The following CAPN1 variants were observed in gnomAD, a reference collection of about 807,000 sequenced individuals.
CAPN1 encodes calpain 1.
Under a neutral mutation model 105.2 loss-of-function variants are expected in CAPN1, and 77 were observed. That is an observed-to-expected ratio of 0.73 (90% CI 0.61 to 0.88). The LOEUF is 0.88. Ranked by LOEUF, CAPN1 falls within the 40% of genes least tolerant of loss-of-function variation. CAPN1 has a pLI of 0.00. For missense variants in CAPN1, 833 were observed against 976.6 expected (o/e 0.85, Z 1.96); for synonymous variants, 355 against 388.8 (o/e 0.91, Z 1.02).
chr11:65,202,202 T>C (rs1408473027), intron 10 of CAPN1, among the ~76,000 whole-genome samples: 1 of 152,170 alleles, frequency 6.6e-6, no homozygotes, highest in Admixed American at 6.5e-5. Flanking sequence ...TGTTGGATTC[T>C]CTACCTCAGG....
Position 65,208,546 on chromosome 11 carries a change from G to A in CAPN1, c.1729+284G>A, listed in dbSNP as rs560926318. The A allele has an allele frequency of 5.2e-5, 27 of 517,348 alleles. No individual in the cohort carries two copies. The highest frequency in any genetic ancestry group is 6.4e-5 in the Admixed American group (2 of 31,084). 32.0% of individuals were successfully genotyped at this position (517,348 alleles called of 1,614,324 possible). A position where few individuals can be genotyped will look rare whatever the true frequency, so the allele number is the denominator to read the frequency against. On this transcript the variant is annotated intron_variant, in intron 16 of 21. Coordinates refer to ENST00000279247, the MANE Select transcript of CAPN1 (RefSeq NM_005186.4). This position sits in a 1 kb window ranked among gnomAD's most constrained non-coding sequence, Gnocchi z 4.1. ...TGTAGTCCCAACACTCTGGGAGGCC[G>A]AGGCAGGAGTCGCTTCAGCCCAGGA...
chr11:65,209,118 G>A lies in CAPN1; in HGVS notation c.1730-205G>A. 1.7e-6 allele frequency: 1 copy of A among 596,776 alleles called. No individual in the cohort carries two copies. Among genetic ancestry groups the A allele is most frequent in the Non-Finnish European group, 3.0e-6 (1 of 331,906 alleles). 37.0% of individuals were successfully genotyped at this position (596,776 alleles called of 1,614,324 possible). ...TTTCTTTTTACTTTGGACTAATTGT[G>A]GCTGTTGGGACTTTGGCTTGATTGC... On this transcript the variant is annotated intron_variant, in intron 16 of 21. Coordinates refer to ENST00000279247, the MANE Select transcript of CAPN1 (RefSeq NM_005186.4). This position sits in a 1 kb window ranked among gnomAD's most constrained non-coding sequence, Gnocchi z 4.1.
At chr11:65,198,561 T>G (rs924504251) in intron 10 of CAPN1, among the ~76,000 whole-genome samples, 1 of 151,654 alleles carries the variant, frequency 6.6e-6, no homozygotes, top group Admixed American at 6.6e-5. Flanking sequence ...AATTCTAAAG[T>G]TTTTTTTTCC....
Position 65,192,023 on chromosome 11 carries a change from C to T in CAPN1, c.1165+3277C>T, listed in dbSNP as rs114459756. 4.8e-3 allele frequency among the ~76,000 whole-genome samples: 724 copies of T among 151,894 alleles called. 6 individuals carry two copies. The highest frequency in any genetic ancestry group is 0.017 in the African/African-American group (697 of 41,414). On this transcript the variant is annotated intron_variant, in intron 10 of 21. Transcript: ENST00000279247. ...TTTCTTTTATTTATTAAAATGGTCC[C>T]AGGAATTTGTGAACAGCTTGGGCAA...
Position 65,182,894 on chromosome 11 carries a change from C to T in CAPN1, c.193C>T (p.Pro65Ser). The T allele has an allele frequency of 6.2e-7, 1 of 1,607,758 alleles. No homozygotes were observed. Among genetic ancestry groups the T allele is most frequent in the Non-Finnish European group, 8.5e-7 (1 of 1,177,270 alleles). ...CCGTGATGAGGCCTTCCCCCCGGTA[C>T]CCCAGAGCCTGGGTTACAAGGACCT... is the stretch of plus-strand genomic sequence containing the variant. ...LFRDEAFPPVPQSLGYKDLGP... is the reference protein window; with the variant it reads ...LFRDEAFPPVSQSLGYKDLGP... Residue 65 changes from proline to serine, a missense_variant, in exon 2 of 22, where the codon CCC (proline) becomes TCC (serine). By Grantham distance (74) the Pro-to-Ser change is moderately conservative (BLOSUM62 -1). Coordinates refer to ENST00000279247, the MANE Select transcript of CAPN1 (RefSeq NM_005186.4).
In CAPN1 at chr11:65,182,010, C is replaced by A; in HGVS notation, c.-5C>A. 6.3e-6 allele frequency: 1 copy of A among 158,028 alleles called. No homozygotes were observed. The highest frequency in any genetic ancestry group is 1.4e-5 in the Non-Finnish European group (1 of 71,682). The allele number at this position is 158,028 out of a possible 1,614,324, so 9.8% of individuals were successfully genotyped here. A position where few individuals can be genotyped will look rare whatever the true frequency, so the allele number is the denominator to read the frequency against. ...GCAGCGACCCCCAAACACCCCTCCC[C>A]CAGGTAAGAAGCTGGGTAGCCGAGC... On this transcript the variant is annotated 5_prime_UTR_variant, in exon 1 of 22. Coordinates refer to ENST00000279247, the MANE Select transcript of CAPN1 (RefSeq NM_005186.4).
chr11:65,185,168 C>T (rs1466173838), intron 4 of CAPN1, among the ~76,000 whole-genome samples: 4 of 151,886 alleles, frequency 2.6e-5, no homozygotes, highest in Admixed American at 2.0e-4. Context: ...AGCGTGGGGT[C>T]GGGAACCACA....
intron 14 of CAPN1, 76 bp downstream of exon 14, chr11:65,206,895 C>T: frequency 2.2e-6 from 3 of 1,390,672 alleles, no homozygotes; most frequent in Non-Finnish European, 3.0e-6. Context: ...ACCCAGGTGT[C>T]CTGTCCCCTG....
At position 65,183,474 on chromosome 11, in the gene CAPN1, G is replaced by C; in HGVS notation, c.338G>C (p.Gly113Ala). ...CTAATGTGCATCCCTCCTGCCCCAG[G>C]GGACTGCTGGCTCTTGGCGGCCATC... Reference protein sequence around the residue: ...TRTDICQGALGDCWLLAAIAS... With the variant: ...TRTDICQGALADCWLLAAIAS... Residue 113 changes from glycine to alanine, a missense_variant and splice_region_variant, in exon 4 of 22, where the codon GGG becomes GCG. Gly to Ala is a moderately conservative substitution (Grantham distance 60, BLOSUM62 0). Transcript: ENST00000279247. 6.2e-7 allele frequency: 1 copy of C among 1,610,784 alleles called. No homozygotes were observed. Among genetic ancestry groups the C allele is most frequent in the Non-Finnish European group, 8.5e-7 (1 of 1,177,068 alleles).
chr11:65,194,651 C>T (rs1015986027), intron 10 of CAPN1, among the ~76,000 whole-genome samples: 6 of 152,122 alleles, frequency 3.9e-5, no homozygotes, highest in African/African-American at 1.4e-4. Flanking sequence ...CTATTCTGGA[C>T]TTTTTTGCCT....
At chr11:65,205,563 G>GACCAGATC (rs774360436) in intron 11 of CAPN1, 147 bp from the exon 12 acceptor site, 2 of 748,406 alleles carry the variant, frequency 2.7e-6, no homozygotes, top group Non-Finnish European at 4.7e-6. Context: ...GTGGTGCAGG[G>GACCAGATC]ACCAGATCTG....
chr11:65,187,969 C>G lies in CAPN1; in HGVS notation c.858C>G (p.Gly286=). The change falls in exon 8 of 22, where the codon GGC becomes GGG. Residue 286 remains glycine (G), a synonymous_variant. Transcript: ENST00000279247. ...CTGGCAAATAGGTGAACTACCGAGG[C>G]CAGGTGGTGAGCCTGATCCGGATGC... ...VTGAKQVNYR[G]QVVSLIRMRN... 6.4e-7 allele frequency: 1 copy of G among 1,560,414 alleles called. No individual in the cohort carries two copies.
chr11:65,211,130 G>C, intron 21 of CAPN1, 130 bp from the exon 22 acceptor site: 1 of 1,047,342 alleles, frequency 9.5e-7, no homozygotes. Context: ...AGGTAAGAAA[G>C]TAACCCCTCC....
chr11:65,197,888 GAAA>G (rs71049687), intron 10 of CAPN1, among the ~76,000 whole-genome samples: 1 of 83,476 alleles, frequency 1.2e-5, no homozygotes, highest in Non-Finnish European at 2.1e-5. Flanking sequence ...AACTCTATCT[GAAA>G]AAAAAAAAAA....
At chr11:65,198,700 A>T (rs1372976400) in intron 10 of CAPN1, among the ~76,000 whole-genome samples, 1 of 152,092 alleles carries the variant, frequency 6.6e-6, no homozygotes, top group Admixed American at 6.5e-5. Flanking sequence ...CCCGAAACAT[A>T]TCCTTTTGTA....
At position 65,210,434 on chromosome 11, in the gene CAPN1, C is replaced by CGGCT; in HGVS notation, c.2042_2045dup (p.Glu683AlafsTer22). On this transcript the variant is annotated frameshift_variant, in exon 20 of 22. Coordinates refer to ENST00000279247, the MANE Select transcript of CAPN1 (RefSeq NM_005186.4). LOFTEE classifies it high-confidence loss of function. The surrounding 1 kb of genome is among the most constrained non-coding windows in gnomAD (Gnocchi z 4.3). ...TGACAATTTCGTTTGCTGCCTGGTG[C>CGGCT]GGCTAGAGACCATGTTCCGTGAGTG... 6.2e-7 allele frequency: 1 copy of CGGCT among 1,609,354 alleles called. No homozygotes were observed. The highest frequency in any genetic ancestry group is 8.5e-7 in the Non-Finnish European group (1 of 1,176,764).
chr11:65,204,965 C>T, intron 11 of CAPN1, 107 bp downstream of exon 11: 1 of 914,158 alleles, frequency 1.1e-6, no homozygotes, highest in Admixed American at 2.6e-5. Context: ...GGGACCATGC[C>T]CTTCCCCACA....
chr11:65,199,405 G>A (rs1948836505), intron 10 of CAPN1, among the ~76,000 whole-genome samples: 1 of 151,888 alleles, frequency 6.6e-6, no homozygotes, highest in Admixed American at 6.6e-5. Context: ...ACCATGATGT[G>A]TGGAGGTATG....
chr11:65,204,946 G>A lies in CAPN1; in HGVS notation c.1341+88G>A, dbSNP rs1321477542. On this transcript the variant is annotated intron_variant, in intron 11 of 21. Coordinates refer to ENST00000279247, the MANE Select transcript of CAPN1 (RefSeq NM_005186.4). ...CGCAGTGCAGGCGGGCTTCCACCAG[G>A]GGGCGCCAGGGACCATGCCCTTCCC... 4.6e-6 allele frequency: 5 copies of A among 1,094,716 alleles called. No homozygotes were observed. The South Asian group carries it at 7.3e-5, about 16-fold the overall frequency. 67.8% of individuals were successfully genotyped at this position (1,094,716 alleles called of 1,614,324 possible).
Sources: gnomAD v4.1 joint callset for allele counts (sites outside exome capture counted in the v4.1 genomes callset) on GRCh38, gnomAD v4.1.1 for gene constraint, Gnocchi (gnomAD v3.1) non-coding constraint, MANE v1.5 for transcripts, NCBI Gene and HGNC (gene_info 2026-07-23, HGNC 2026-07-21) for gene names.